Variants in MYO1F observed in about 807,000 individuals in gnomAD.
MYO1F encodes myosin IF, also known as unconventional myosin-If.
Under a neutral mutation model 146.6 loss-of-function variants are expected in MYO1F, and 60 were observed. The observed-to-expected ratio is 0.41, with a 90% confidence interval of 0.33 to 0.51. The LOEUF (loss-of-function observed/expected upper bound fraction) is 0.51. MYO1F is among the 20% of genes least tolerant of loss of function. The pLI is 0.25. For synonymous variants in MYO1F, 602 were observed against 602.1 expected, an observed-to-expected ratio of 1.00 and a Z score of 0.00; for missense variants, 1,274 against 1,534.3, an observed-to-expected ratio of 0.83 and a Z score of 2.83.
intron 21 of MYO1F, among the ~76,000 whole-genome samples, chr19:8,527,737 T>C (rs1787051074): frequency 6.6e-6 from 1 of 152,156 alleles, no homozygotes; most frequent in African/African-American, 2.4e-5. Flanking sequence ...CTCAGCCTCC[T>C]GAGTAGCTGG....
At position 8,554,636 on chromosome 19, in the gene MYO1F, A is replaced by C. The variant is rs1303196380; in HGVS notation, c.231+18T>G. On this transcript the variant is annotated intron_variant, in intron 3 of 27. Transcript: ENST00000644032. ...CAGGAGTCTGGGGGCTGTGCCTCCC[A>C]CCCAGCCCCAGCCTCACCGCGCCCT... The C allele has an allele frequency of 1.2e-6, 2 of 1,612,966 alleles. No homozygotes were observed. The highest frequency in any genetic ancestry group is 1.7e-6 in the Non-Finnish European group (2 of 1,179,132).
intron 2 of MYO1F, chr19:8,555,257 C>T (rs914679483): frequency 2.5e-5 from 7 of 276,820 alleles, no homozygotes; most frequent in African/African-American, 1.6e-4. Context: ...ATAATCCCAG[C>T]TACTTGGGAG....
intron 6 of MYO1F, among the ~76,000 whole-genome samples, chr19:8,552,730 G>T (rs1973667573): frequency 6.6e-6 from 1 of 152,110 alleles, no homozygotes; most frequent in South Asian, 2.1e-4. Context: ...CACAGTGATA[G>T]AATCAAACCC....
At chr19:8,521,698 T>A in intron 27 of MYO1F, 94 bp from the exon 28 acceptor site, 1 of 1,177,220 alleles carries the variant, frequency 8.5e-7, no homozygotes, top group African/African-American at 1.5e-5. Flanking sequence ...GGACTCCCTA[T>A]GTTGTCCAGG....
chr19:8,548,791 G>A (rs1383099717), intron 10 of MYO1F, among the ~76,000 whole-genome samples: 1 of 150,684 alleles, frequency 6.6e-6, no homozygotes, highest in Non-Finnish European at 1.5e-5. Context: ...TAGTAGAGAC[G>A]GGGTTTCACT....
chr19:8,575,749 C>T (rs1200615617), intron 1 of MYO1F, among the ~76,000 whole-genome samples: 3 of 152,154 alleles, frequency 2.0e-5, no homozygotes, highest in Admixed American at 6.6e-5. Context: ...CTCTGCGATA[C>T]GGGTGGCCCC....
intron 21 of MYO1F, chr19:8,529,935 A>G: frequency 1.7e-6 from 1 of 603,540 alleles, no homozygotes; most frequent in Non-Finnish European, 3.0e-6. Flanking sequence ...GATGGAACAG[A>G]TGGATCTAGG....
chr19:8,548,864 A>G (rs1301123043), intron 10 of MYO1F, among the ~76,000 whole-genome samples: 2 of 151,966 alleles, frequency 1.3e-5, no homozygotes, highest in African/African-American at 4.8e-5. Context: ...CCGGGATTAC[A>G]GGTGTGAGCC....
chr19:8,541,457 C>G (rs1189999888), intron 15 of MYO1F, among the ~76,000 whole-genome samples: 1 of 121,782 alleles, frequency 8.2e-6, no homozygotes, highest in Non-Finnish European at 1.7e-5. Context: ...GAGACAGAAT[C>G]TCCCTCTGTC....
At chr19:8,569,601 G>C (rs923575805) in intron 1 of MYO1F, among the ~76,000 whole-genome samples, 2 of 152,218 alleles carry the variant, frequency 1.3e-5, no homozygotes, top group South Asian at 2.1e-4. Flanking sequence ...ACCTGCCCTT[G>C]GGGGGCTCGG....
chr19:8,541,206 AT>A (rs961407014), intron 15 of MYO1F, among the ~76,000 whole-genome samples: 10 of 151,252 alleles, frequency 6.6e-5, no homozygotes, highest in African/African-American at 1.5e-4. Context: ...AAAAAAAAGA[AT>A]TTTTTTTTAA....
intron 24 of MYO1F, among the ~76,000 whole-genome samples, chr19:8,525,829 C>T (rs1028995826): frequency 6.6e-6 from 1 of 152,198 alleles, no homozygotes; most frequent in African/African-American, 2.4e-5. Context: ...CCGCTCTGGC[C>T]GCACCCCTCT....
rs201600416 is a variant in MYO1F at position 8,536,047 on chromosome 19, CACTT to C, written c.2043+201_2043+204del. Reference sequence around the variant, plus strand: ...TCTTACTTTCAGTCTATTAATCTCTCACTTGCTTTCTCAATTTCTCTCTCAACCT... The same window carrying C: ...TCTTACTTTCAGTCTATTAATCTCTCGCTTTCTCAATTTCTCTCTCAACCT... On this transcript the variant is annotated intron_variant, in intron 19 of 27. Transcript: ENST00000644032. 0.023 allele frequency among the ~76,000 whole-genome samples: 3,570 copies of C among 152,136 alleles called. 148 individuals carry two copies. Among genetic ancestry groups the C allele is most frequent in the African/African-American group, 0.082 (3,383 of 41,502 alleles).
rs1568381139 is a variant in MYO1F, at chr19:8,574,591, CTCTCTCTTTCTTTCTTTCTTTCTT to C, written c.3+2692_3+2715del. Among the ~76,000 whole-genome samples the C allele has an allele frequency of 5.5e-4, 46 of 84,100 alleles. 1 individual carries two copies. Among genetic ancestry groups the C allele is most frequent in the African/African-American group, 2.3e-3 (45 of 19,788 alleles). The allele number at this position is 84,100 out of a possible 152,430, so 55.2% of individuals were successfully genotyped here. On this transcript the variant is annotated intron_variant, in intron 1 of 27. Coordinates refer to ENST00000644032, the MANE Select transcript of MYO1F (RefSeq NM_012335.4). Reference sequence around the variant, plus strand: ...TCTTTCTTTCTTTCTCTCTCTCTCTCTCTCTCTTTCTTTCTTTCTTTCTTTCTTTCTTTCTTTCTTTCTTTCTTT... The same window carrying C: ...TCTTTCTTTCTTTCTCTCTCTCTCTCTCTTTCTTTCTTTCTTTCTTTCTTT...
intron 25 of MYO1F, among the ~76,000 whole-genome samples, chr19:8,523,635 G>A (rs1972150784): frequency 6.6e-6 from 1 of 152,128 alleles, no homozygotes; most frequent in Non-Finnish European, 1.5e-5. Flanking sequence ...ACAGGCATGA[G>A]CCACTGTACT....
At chr19:8,525,377 A>G (rs995601071) in intron 25 of MYO1F, 102 bp downstream of exon 25, 13 of 962,976 alleles carry the variant, frequency 1.3e-5, no homozygotes, top group Non-Finnish European at 1.8e-5. Context: ...CAGAGAAGTG[A>G]GTGGTAAACT....
At chr19:8,546,040 A>G (rs930382455) in intron 12 of MYO1F, among the ~76,000 whole-genome samples, 2 of 149,436 alleles carry the variant, frequency 1.3e-5, no homozygotes, top group African/African-American at 4.9e-5. Context: ...GTGCTCATTA[A>G]CACACTATTT....
At chr19:8,565,562 A>T (rs907268141) in intron 1 of MYO1F, among the ~76,000 whole-genome samples, 1 of 151,952 alleles carries the variant, frequency 6.6e-6, no homozygotes, top group Non-Finnish European at 1.5e-5. Flanking sequence ...ATAATAATAA[A>T]AATTAAAAAA....
At chr19:8,567,856 T>C (rs1252604839) in intron 1 of MYO1F, among the ~76,000 whole-genome samples, 1 of 152,162 alleles carries the variant, frequency 6.6e-6, no homozygotes, top group African/African-American at 2.4e-5. Context: ...ATGTCTACAA[T>C]TTCCCCTTTG....
Sources: allele counts gnomAD v4.1 joint callset (sites outside exome capture counted in the v4.1 genomes callset), GRCh38; gene constraint gnomAD v4.1.1; transcripts MANE v1.5; gene names NCBI Gene and HGNC (gene_info 2026-07-23, HGNC 2026-07-21).